Variants in BRD4 observed in about 807,000 individuals in gnomAD.
BRD4 encodes the protein bromodomain-containing protein 4.
Under a neutral mutation model 142.1 loss-of-function variants are expected in BRD4, and 16 were observed. That is an observed-to-expected ratio of 0.11 (90% CI 0.08 to 0.17). The LOEUF is 0.17. Among genes scored for constraint, BRD4 ranks in the 10% least tolerant of loss-of-function variants. The probability of loss-of-function intolerance (pLI) is 1.00; values close to 1 mark genes in which losing one functional copy is unlikely to be tolerated. For synonymous variants in BRD4, 833 were observed against 707.5 expected, an observed-to-expected ratio of 1.18 and a Z score of -2.82; for missense variants, 1,424 against 1,810.9, an observed-to-expected ratio of 0.79 and a Z score of 3.88.
At chr19:15,258,694 C>T (rs1168458203) in intron 7 of BRD4, among the ~76,000 whole-genome samples, 1 of 152,126 alleles carries the variant, frequency 6.6e-6, no homozygotes, top group African/African-American at 2.4e-5. Flanking sequence ...ACTACAGCCT[C>T]ATCCTCCTAG....
At chr19:15,280,714 A>C (rs2047697418) in intron 1 of BRD4, among the ~76,000 whole-genome samples, 1 of 152,148 alleles carries the variant, frequency 6.6e-6, no homozygotes, top group African/African-American at 2.4e-5. Flanking sequence ...CCCCTCATGA[A>C]ATCACAAGTT....
chr19:15,294,136 C>T (rs915349914), intron 1 of BRD4, among the ~76,000 whole-genome samples: 2 of 152,258 alleles, frequency 1.3e-5, no homozygotes, highest in African/African-American at 4.8e-5. Context: ...CTAGGACATA[C>T]CATGAGTCTG....
Position 15,236,803 on chromosome 19 carries a change from T to G in BRD4, c.*1574A>C, listed in dbSNP as rs898513394. 1 of 178,446 alleles carries G rather than the reference T, an allele frequency of 5.6e-6. No homozygotes were observed. Among genetic ancestry groups the G allele is most frequent in the Non-Finnish European group, 1.2e-5 (1 of 83,450 alleles). 11.1% of individuals were successfully genotyped at this position (178,446 alleles called of 1,614,324 possible). On this transcript the variant is annotated 3_prime_UTR_variant, in exon 20 of 20. Transcript: ENST00000679869. ...CCCCTGGGCCTAGCCTAGGCAACAGTTGGTTCACAAAGAAATGTCAGGGAG... is the reference window on the plus strand; with the variant it reads ...CCCCTGGGCCTAGCCTAGGCAACAGGTGGTTCACAAAGAAATGTCAGGGAG...
chr19:15,287,038 C>T (rs890453683), intron 1 of BRD4, among the ~76,000 whole-genome samples: 2 of 152,214 alleles, frequency 1.3e-5, no homozygotes, highest in Non-Finnish European at 2.9e-5. Flanking sequence ...TTATCACCCA[C>T]AGATCCACCT....
chr19:15,240,453 C>T (rs1599430407), intron 14 of BRD4, among the ~76,000 whole-genome samples: 1 of 152,324 alleles, frequency 6.6e-6, no homozygotes, highest in South Asian at 2.1e-4. Flanking sequence ...GCCAACTAGC[C>T]TGGCCCACCT....
At chr19:15,322,200 A>G (rs542040661) in intron 1 of BRD4, among the ~76,000 whole-genome samples, 1 of 152,196 alleles carries the variant, frequency 6.6e-6, no homozygotes, top group South Asian at 2.1e-4. Flanking sequence ...ACCCTCTGAC[A>G]TTTCCCTTTT....
At chr19:15,313,316 T>C (rs1439632483) in intron 1 of BRD4, among the ~76,000 whole-genome samples, 1 of 143,342 alleles carries the variant, frequency 7.0e-6, no homozygotes, top group Non-Finnish European at 1.5e-5. Flanking sequence ...GAGCTTGCCG[T>C]AAGCCAATAT....
At chr19:15,252,201 G>A (rs1325035611) in intron 11 of BRD4, among the ~76,000 whole-genome samples, 1 of 152,302 alleles carries the variant, frequency 6.6e-6, no homozygotes, top group African/African-American at 2.4e-5. Context: ...GAGGCCAAGG[G>A]CAAAGGCCAT....
At position 15,256,231 on chromosome 19, in the gene BRD4, G is replaced by C. The variant is rs201111758; in HGVS notation, c.1584C>G (p.Leu528=). ...TTGGTTTGTTCTGCTGGGGCTGAGA[G>C]AGGGCTGCAAGCTGCTCGTGCACGG... The part of the protein sequence containing the change: ...LKAVHEQLAA[L]SQPQQNKPKK... The change falls in exon 9 of 20, where the codon CTC becomes CTG. Residue 528 remains leucine (L), a synonymous_variant. Transcript: ENST00000679869. 3.7e-6 allele frequency: 6 copies of C among 1,613,088 alleles called. No homozygotes were observed. The highest frequency in any genetic ancestry group is 4.2e-6 in the Non-Finnish European group (5 of 1,179,974).
chr19:15,254,324 C>T, intron 10 of BRD4, 62 bp from the exon 11 acceptor site: 3 of 1,348,996 alleles, frequency 2.2e-6, no homozygotes, highest in Non-Finnish European at 3.2e-6. Context: ...CGCTCTAAGC[C>T]ATGGGCACAC....
In BRD4 at chr19:15,237,255, G is replaced by GT. The variant is rs1311764353; in HGVS notation, c.*1121_*1122insA. ...AAGCCAACAAATGGGTGGGGGGGGG[G>GT]GGGGTGGAGGGGAAAGAAAAGAAAT... On this transcript the variant is annotated 3_prime_UTR_variant, in exon 20 of 20. Coordinates refer to ENST00000679869, the MANE Select transcript of BRD4 (RefSeq NM_001379291.1). 8.9e-6 allele frequency: 1 copy of GT among 112,684 alleles called. No individual in the cohort carries two copies. Among genetic ancestry groups the GT allele is most frequent in the East Asian group, 1.8e-4 (1 of 5,594 alleles). The allele number at this position is 112,684 out of a possible 1,614,324, so 7.0% of individuals were successfully genotyped here.
chr19:15,255,009 G>A (rs777267619), intron 10 of BRD4, among the ~76,000 whole-genome samples: 2 of 152,150 alleles, frequency 1.3e-5, no homozygotes, highest in Admixed American at 6.5e-5. Context: ...GGAAGACTCA[G>A]CAGCAGGTAG....
intron 2 of BRD4, 42 bp downstream of exon 2, chr19:15,272,773 A>G: frequency 6.4e-7 from 1 of 1,574,144 alleles, no homozygotes; most frequent in Non-Finnish European, 8.7e-7. Context: ...GCAGGAGACG[A>G]CCTCCAGGAC....
intron 1 of BRD4, among the ~76,000 whole-genome samples, chr19:15,294,888 A>T (rs1042925977): frequency 2.6e-5 from 4 of 152,192 alleles, no homozygotes; most frequent in Non-Finnish European, 4.4e-5. Flanking sequence ...AGGCTGTCCC[A>T]GACCCCACGC....
chr19:15,253,202 T>A (rs565240419), intron 11 of BRD4: 1 of 346,812 alleles, frequency 2.9e-6, no homozygotes, highest in Non-Finnish European at 5.3e-6. Context: ...GGCAACCCCG[T>A]TGGCCGTAAA....
In BRD4 at chr19:15,283,730, G is replaced by A. The variant is rs143935050; in HGVS notation, c.-34-10597C>T. Among the ~76,000 whole-genome samples the A allele has an allele frequency of 1.4e-3, 207 of 152,294 alleles. 1 individual carries two copies. Among genetic ancestry groups the A allele is most frequent in the Non-Finnish European group, 2.3e-3 (155 of 68,020 alleles). Reference sequence around the variant, plus strand: ...CTCTAATTTCACCCACTGGGAAGCCGCCCGGGTGAGTAAGCAAGAGTGTAT... The same window carrying A: ...CTCTAATTTCACCCACTGGGAAGCCACCCGGGTGAGTAAGCAAGAGTGTAT... On this transcript the variant is annotated intron_variant, in intron 1 of 19. Transcript: ENST00000679869.
intron 1 of BRD4, among the ~76,000 whole-genome samples, chr19:15,285,779 G>A (rs1275885771): frequency 6.6e-6 from 1 of 152,018 alleles, no homozygotes; most frequent in African/African-American, 2.4e-5. Flanking sequence ...CATCAACATA[G>A]TTATCAATCA....
At chr19:15,249,869 C>T (rs1258821795) in intron 11 of BRD4, among the ~76,000 whole-genome samples, 1 of 152,026 alleles carries the variant, frequency 6.6e-6, no homozygotes, top group Non-Finnish European at 1.5e-5. Flanking sequence ...CCTCCAGATC[C>T]CCCAAACAAA....
intron 1 of BRD4, among the ~76,000 whole-genome samples, chr19:15,276,831 A>G (rs541384602): frequency 1.3e-5 from 2 of 152,300 alleles, no homozygotes; most frequent in African/African-American, 2.4e-5. Context: ...CTCCCGAGTG[A>G]TTAGGCAATA....
Sources: allele counts gnomAD v4.1 joint callset (sites outside exome capture counted in the v4.1 genomes callset), GRCh38; gene constraint gnomAD v4.1.1; transcripts MANE v1.5; gene names NCBI Gene and HGNC (gene_info 2026-07-23, HGNC 2026-07-21).